Variants in LPIN1 observed in about 807,000 individuals in gnomAD.
LPIN1 encodes phosphatidate phosphatase LPIN1.
A neutral mutation model predicts 107.5 loss-of-function variants in LPIN1; 71 were observed. The observed-to-expected ratio is 0.66, with a 90% CI of 0.55 to 0.80. The LOEUF is 0.80. Among genes scored for constraint, LPIN1 ranks in the 30% least tolerant of loss-of-function variants. LPIN1 has a pLI of 0.00. For missense variants in LPIN1, 1,043 were observed against 1,160.6 expected, an observed-to-expected ratio of 0.90 and a Z score of 1.47; for synonymous variants, 445 against 452.6, an observed-to-expected ratio of 0.98 and a Z score of 0.21.
intron 7 of LPIN1, among the ~76,000 whole-genome samples, 189 bp downstream of exon 7, chr2:11,779,834 C>T (rs1481075948): frequency 6.6e-6 from 1 of 152,022 alleles, no homozygotes; most frequent in Non-Finnish European, 1.5e-5. Flanking sequence ...AGAGAGGTCT[C>T]ATTGCTTTTG....
chr2:11,752,588 C>T (rs10199492), intron 1 of LPIN1, among the ~76,000 whole-genome samples: 50,426 of 149,000 alleles, frequency 0.34, 9,010 homozygotes, highest in Non-Finnish European at 0.4. Context: ...CCCGCCACTA[C>T]GCCCGGCTAA....
intron 14 of LPIN1, among the ~76,000 whole-genome samples, chr2:11,801,345 G>A (rs1677698261): frequency 6.6e-6 from 1 of 152,152 alleles, no homozygotes; most frequent in Admixed American, 6.5e-5. Context: ...TTGAAATATG[G>A]AACCAACCTA....
intron 3 of LPIN1, among the ~76,000 whole-genome samples, chr2:11,769,165 G>C (rs1390849814): frequency 6.6e-6 from 1 of 152,202 alleles, no homozygotes; most frequent in African/African-American, 2.4e-5. Context: ...CAAAGCAGCT[G>C]TTCCATTTTA....
intron 11 of LPIN1, among the ~76,000 whole-genome samples, chr2:11,787,508 T>A (rs2148665995): frequency 6.6e-6 from 1 of 151,048 alleles, no homozygotes; most frequent in East Asian, 2.0e-4. Flanking sequence ...TTAAGAGATC[T>A]TCCCACCTCC....
chr2:11,687,443 G>A (rs763844128), intron 1 of LPIN1, among the ~76,000 whole-genome samples: 4 of 152,212 alleles, frequency 2.6e-5, no homozygotes, highest in Non-Finnish European at 5.9e-5. Context: ...TCAGGGAGGG[G>A]CAGGCGGATG....
chr2:11,808,412 T>C (rs1160019638), intron 17 of LPIN1, among the ~76,000 whole-genome samples: 1 of 152,206 alleles, frequency 6.6e-6, no homozygotes, highest in Non-Finnish European at 1.5e-5. Flanking sequence ...CATCATACTT[T>C]TGAATCTGTA....
chr2:11,771,473 C>T lies in LPIN1; in HGVS notation c.390C>T (p.Gly130=). 6.2e-7 allele frequency: 1 copy of T among 1,614,226 alleles called. No homozygotes were observed. The highest frequency in any genetic ancestry group is 8.5e-7 in the Non-Finnish European group (1 of 1,180,026). ...LKRGSVDRMR[G]LDPSTPAQVI... ...GGGGCTCTGTGGACAGGATGAGAGG[C>T]CTGGACCCCAGCACGCCAGCCCAAG... Residue 130 remains glycine (G), a synonymous_variant, in exon 4 of 21, where the codon GGC becomes GGT. Coordinates refer to ENST00000674199, the MANE Select transcript of LPIN1 (RefSeq NM_001349206.2). The surrounding 1 kb of genome is among the most constrained non-coding windows in gnomAD (Gnocchi z 4.8).
At position 11,784,355 on chromosome 2, in the gene LPIN1, T is replaced by C. The variant is rs1264046928; in HGVS notation, c.1358+433T>C. ...AGAGAGAGGCAGTGGGAGGCTCCCA[T>C]TGCCTTGTGAAATGCGCCTGCTCTA... On this transcript the variant is annotated intron_variant, in intron 9 of 20. Coordinates refer to ENST00000674199, the MANE Select transcript of LPIN1 (RefSeq NM_001349206.2). The C allele has an allele frequency of 6.0e-5, 66 of 1,101,714 alleles. No individual in the cohort carries two copies. In the East Asian group the frequency reaches 2.5e-3, roughly 42 times the overall value. The allele number at this position is 1,101,714 out of a possible 1,614,324, so 68.2% of individuals were successfully genotyped here.
At chr2:11,677,713 C>G in exon 1 of LPIN1, 1 of 1,535,728 alleles carries the variant, frequency 6.5e-7, no homozygotes, top group Non-Finnish European at 8.7e-7. Flanking sequence ...GCTCCCCAGA[C>G]TCGGCTTGGT....
At chr2:11,681,997 T>G (rs2148499746) in intron 1 of LPIN1, among the ~76,000 whole-genome samples, 1 of 152,268 alleles carries the variant, frequency 6.6e-6, no homozygotes, top group East Asian at 1.9e-4. Context: ...GAAATGCCTG[T>G]GTGGGCTGCC....
chr2:11,694,877 A>G (rs528220294), intron 1 of LPIN1, among the ~76,000 whole-genome samples: 1 of 152,342 alleles, frequency 6.6e-6, no homozygotes, highest in African/African-American at 2.4e-5. Context: ...AGAAATATAC[A>G]AGCAGTATTA....
At chr2:11,797,260 C>T (rs1344554125) in intron 14 of LPIN1, among the ~76,000 whole-genome samples, 1 of 152,228 alleles carries the variant, frequency 6.6e-6, no homozygotes, top group Non-Finnish European at 1.5e-5. Flanking sequence ...ATTAATCCAC[C>T]TCTCAGCGTC....
intron 1 of LPIN1, among the ~76,000 whole-genome samples, chr2:11,731,113 A>T (rs1238104443): frequency 2.0e-5 from 3 of 152,232 alleles, no homozygotes; most frequent in African/African-American, 7.2e-5. Flanking sequence ...CAGAATGTGC[A>T]GGTTTTTTAC....
At chr2:11,687,495 G>C (rs921451533) in intron 1 of LPIN1, among the ~76,000 whole-genome samples, 5 of 152,248 alleles carry the variant, frequency 3.3e-5, no homozygotes, top group African/African-American at 1.2e-4. Context: ...GGGACAGGGG[G>C]CTTTGTCTCT....
chr2:11,796,749 C>T (rs1438631899), intron 14 of LPIN1, among the ~76,000 whole-genome samples: 1 of 152,148 alleles, frequency 6.6e-6, no homozygotes, highest in African/African-American at 2.4e-5. Flanking sequence ...AGGGAGAAGG[C>T]AGGTGTGTTG....
At chr2:11,810,452 G>A (rs1420305568) in intron 17 of LPIN1, among the ~76,000 whole-genome samples, 1 of 152,150 alleles carries the variant, frequency 6.6e-6, no homozygotes, top group Non-Finnish European at 1.5e-5. Context: ...CGGTGCAGAC[G>A]GTGGGGTGGG....
chr2:11,780,826 C>T (rs1673461758), intron 7 of LPIN1, among the ~76,000 whole-genome samples: 1 of 152,208 alleles, frequency 6.6e-6, no homozygotes, highest in African/African-American at 2.4e-5. Flanking sequence ...TGTAGGCCCT[C>T]TGAATATTTG....
At chr2:11,754,977 T>A (rs2148588506) in intron 1 of LPIN1, among the ~76,000 whole-genome samples, 1 of 142,246 alleles carries the variant, frequency 7.0e-6, no homozygotes, top group Middle Eastern at 3.7e-3. Context: ...TTTCTTCTAA[T>A]TTTTTTTTTT....
At chr2:11,761,085 A>G in intron 1 of LPIN1, among the ~76,000 whole-genome samples, 1 of 152,166 alleles carries the variant, frequency 6.6e-6, no homozygotes, top group African/African-American at 2.4e-5. Flanking sequence ...CTGCATTCCT[A>G]CAGGGTTTTG....
Sources: gnomAD v4.1 joint callset for allele counts (sites outside exome capture counted in the v4.1 genomes callset) on GRCh38, gnomAD v4.1.1 for gene constraint, Gnocchi (gnomAD v3.1) non-coding constraint, MANE v1.5 for transcripts, NCBI Gene and HGNC (gene_info 2026-07-23, HGNC 2026-07-21) for gene names.